The following SCN2A variants were observed in gnomAD, a reference collection of about 807,000 sequenced individuals.
The protein encoded by SCN2A is sodium channel protein type 2 subunit alpha.
A neutral mutation model predicts 188.7 loss-of-function variants in SCN2A; 20 were observed. The ratio of observed to expected loss-of-function variants is 0.11; its 90% CI spans 0.07 to 0.15. SCN2A has a LOEUF of 0.15. Among genes scored for constraint, SCN2A ranks in the 10% least tolerant of loss-of-function variants. SCN2A has a pLI of 1.00. For synonymous variants in SCN2A, 804 were observed against 833.1 expected (o/e 0.97, Z 0.60); for missense variants, 1,278 against 2,445.0 (o/e 0.52, Z 10.07).
At chr2:165,272,149 G>A (rs1236778426) in intron 1 of SCN2A, 1 of 151,758 alleles carries the variant, frequency 6.6e-6, no homozygotes, top group Non-Finnish European at 1.5e-5. Flanking sequence ...CAGACAGGTT[G>A]AAAGTAAAAA....
At chr2:165,291,492 T>TTCC (rs1696163220) in intron 1 of SCN2A, among the ~76,000 whole-genome samples, 1 of 7,468 alleles carries the variant, frequency 1.3e-4, no homozygotes, top group Non-Finnish European at 3.2e-4. Context: ...CTTTCTTTCT[T>TTCC]TTCTTTCTTT....
chr2:165,329,394 G>A (rs1238753470), intron 13 of SCN2A, among the ~76,000 whole-genome samples: 1 of 152,202 alleles, frequency 6.6e-6, no homozygotes, highest in Non-Finnish European at 1.5e-5. Context: ...GTGATTCTAT[G>A]TGGATAACCC....
At chr2:165,338,292 C>T (rs1699112241) in intron 14 of SCN2A, among the ~76,000 whole-genome samples, 1 of 146,324 alleles carries the variant, frequency 6.8e-6, no homozygotes, top group African/African-American at 2.6e-5. Context: ...CGGAGTCTCG[C>T]TCTCTCGCCC....
At chr2:165,372,215 A>T (rs1424107199) in intron 20 of SCN2A, 1 of 152,180 alleles carries the variant, frequency 6.6e-6, no homozygotes, top group East Asian at 1.9e-4. Context: ...TAAGGGAACT[A>T]TATGAACTAT....
rs780514937 is a variant in SCN2A at position 165,389,623 on chromosome 2, A to G, written c.5817A>G (p.Glu1939=). ...TATACAAGAAAGACAAAGGCAAAGAATGTGATGGAACACCCATCAAAGAAG... is the reference window on the plus strand; with the variant it reads ...TATACAAGAAAGACAAAGGCAAAGAGTGTGATGGAACACCCATCAAAGAAG... The part of the protein sequence containing the change: ...SSIYKKDKGK[E]CDGTPIKEDT... Residue 1939 remains glutamate, a synonymous_variant, in exon 27 of 27, where the codon GAA becomes GAG. Coordinates refer to ENST00000375437, the MANE Select transcript of SCN2A (RefSeq NM_001040142.2). This position sits in a 1 kb window ranked among gnomAD's most constrained non-coding sequence, Gnocchi z 4.2. The G allele has an allele frequency of 9.3e-6, 15 of 1,614,032 alleles. No homozygotes were observed. In the Admixed American group the frequency reaches 2.5e-4, roughly 27 times the overall value.
In SCN2A at chr2:165,354,456, G is replaced by A. The variant is rs982953473; in HGVS notation, c.3184G>A (p.Gly1062Ser). 3 of 1,613,942 alleles carry A rather than the reference G, an allele frequency of 1.9e-6. No individual in the cohort carries two copies. Among genetic ancestry groups the A allele is most frequent in the African/African-American group, 2.7e-5 (2 of 74,912 alleles). ...TTCCAACCATACCACCATAGAAATA[G>A]GCAAAGACCTCAATTATCTCAAAGA... ...CISNHTTIEIGKDLNYLKDGN... is the reference protein window; with the variant it reads ...CISNHTTIEISKDLNYLKDGN... The change falls in exon 17 of 27, where the codon GGC (glycine) becomes AGC (serine). Residue 1062 changes from glycine to serine, a missense_variant. By Grantham distance (56) the Gly-to-Ser change is moderately conservative. Transcript: ENST00000375437.
At chr2:165,298,646 A>T (rs1465194068) in intron 3 of SCN2A, among the ~76,000 whole-genome samples, 2 of 152,354 alleles carry the variant, frequency 1.3e-5, no homozygotes, top group East Asian at 3.9e-4. Flanking sequence ...AGTTAGCATT[A>T]GAAATAAATA....
Position 165,370,106 on chromosome 2 carries a change from T to C in SCN2A, c.3676-20T>C, listed in dbSNP as rs1057522535. ...GACTGTTTCTGATCATAAAATTTAATAGAATTTTTTGACTTACAGGCCTTT... is the reference window on the plus strand; with the variant it reads ...GACTGTTTCTGATCATAAAATTTAACAGAATTTTTTGACTTACAGGCCTTT... On this transcript the variant is annotated intron_variant, in intron 19 of 26. Coordinates refer to ENST00000375437, the MANE Select transcript of SCN2A (RefSeq NM_001040142.2). The C allele has an allele frequency of 1.9e-5, 31 of 1,606,808 alleles. No homozygotes were observed. The highest frequency in any genetic ancestry group is 1.3e-4 in the Admixed American group (8 of 59,952).
At chr2:165,301,595 T>C (rs1298926306) in intron 3 of SCN2A, among the ~76,000 whole-genome samples, 1 of 152,208 alleles carries the variant, frequency 6.6e-6, no homozygotes, top group Non-Finnish European at 1.5e-5. Flanking sequence ...TTAATAATGA[T>C]AAAATGTATG....
chr2:165,335,556 A>G (rs1162594533), intron 14 of SCN2A, among the ~76,000 whole-genome samples: 3 of 151,818 alleles, frequency 2.0e-5, no homozygotes, highest in Non-Finnish European at 4.4e-5. Flanking sequence ...CCACATATGA[A>G]AGAATGGAAT....
intron 14 of SCN2A, among the ~76,000 whole-genome samples, chr2:165,334,378 T>C (rs909087171): frequency 2.0e-5 from 3 of 151,710 alleles, no homozygotes; most frequent in African/African-American, 7.2e-5. Flanking sequence ...GGCACAACAA[T>C]CCTCAACAAA....
rs1698165925 is a variant in SCN2A at position 165,323,292 on chromosome 2, A to G, written c.1808A>G (p.Asp603Gly). 2 of 1,614,052 alleles carry G rather than the reference A, an allele frequency of 1.2e-6. No individual in the cohort carries two copies. The highest frequency in any genetic ancestry group is 1.7e-6 in the Non-Finnish European group (2 of 1,180,036). Residue 603 changes from aspartate (D) to glycine (G), a missense_variant, in exon 12 of 27, where the codon GAC (aspartate) becomes GGC (glycine). Coordinates refer to ENST00000375437, the MANE Select transcript of SCN2A (RefSeq NM_001040142.2). Reference protein sequence around the residue: ...FADDEHSTFEDNDSRRDSLFV... With the variant: ...FADDEHSTFEGNDSRRDSLFV... ...GATGATGAGCACAGCACCTTTGAGG[A>G]CAATGACAGCCGAAGAGACTCTCTG... is the stretch of plus-strand genomic sequence containing the variant.
chr2:165,308,112 C>T (rs1697237812), intron 4 of SCN2A, among the ~76,000 whole-genome samples, 175 bp downstream of exon 4: 1 of 152,068 alleles, frequency 6.6e-6, no homozygotes, highest in African/African-American at 2.4e-5. Flanking sequence ...GTAGTGGGCT[C>T]ACTTAGTTGT....
At chr2:165,368,471 T>A (rs1391839977) in intron 19 of SCN2A, among the ~76,000 whole-genome samples, 2 of 152,212 alleles carry the variant, frequency 1.3e-5, no homozygotes, top group Non-Finnish European at 2.9e-5. Context: ...CGTCCTCTTC[T>A]GCCCAGAATT....
intron 12 of SCN2A, among the ~76,000 whole-genome samples, chr2:165,325,389 G>A (rs1331964928): frequency 6.6e-6 from 1 of 152,184 alleles, no homozygotes. Context: ...AAGTTGAGCT[G>A]AAGGTGCAAA....
chr2:165,354,806 G>A (rs1700100498), intron 17 of SCN2A, 135 bp downstream of exon 17: 3 of 850,206 alleles, frequency 3.5e-6, no homozygotes, highest in Middle Eastern at 3.4e-4. Context: ...TATTTTCCAT[G>A]GAAAAGTTGG....
rs1051198949 is a variant in SCN2A at position 165,281,206 on chromosome 2, C to A, written c.-51-14567C>A. Among the ~76,000 whole-genome samples the A allele has an allele frequency of 1.8e-4, 28 of 152,088 alleles. 2 individuals carry two copies. The highest frequency in any genetic ancestry group is 1.6e-3 in the Admixed American group (25 of 15,280). Reference sequence around the variant, plus strand: ...CACTAGTCTGGGCAACAGAGCAAGACCCTATCTCTAAAAAAATAGATATTT... The same window carrying A: ...CACTAGTCTGGGCAACAGAGCAAGAACCTATCTCTAAAAAAATAGATATTT... On this transcript the variant is annotated intron_variant, in intron 1 of 26. Coordinates refer to ENST00000375437, the MANE Select transcript of SCN2A (RefSeq NM_001040142.2).
intron 14 of SCN2A, among the ~76,000 whole-genome samples, chr2:165,334,648 C>G (rs1698888513): frequency 6.6e-6 from 1 of 151,624 alleles, no homozygotes; most frequent in African/African-American, 2.4e-5. Flanking sequence ...TCAAAAGACC[C>G]CACACCTATC....
chr2:165,337,216 A>G (rs911204950), intron 14 of SCN2A, among the ~76,000 whole-genome samples: 1 of 152,156 alleles, frequency 6.6e-6, no homozygotes, highest in Admixed American at 6.5e-5. Context: ...AAAATTGCAG[A>G]TGTCAGAAGA....
Sources: gnomAD v4.1 joint callset for allele counts (sites outside exome capture counted in the v4.1 genomes callset) on GRCh38, gnomAD v4.1.1 for gene constraint, Gnocchi (gnomAD v3.1) non-coding constraint, MANE v1.5 for transcripts, NCBI Gene and HGNC (gene_info 2026-07-23, HGNC 2026-07-21) for gene names.